Variants in CDC14B observed in about 807,000 individuals in gnomAD.
CDC14B encodes cell division cycle 14B, also known as dual specificity protein phosphatase CDC14B.
In CDC14B, 22 loss-of-function variants were observed where a neutral mutation model predicts 64.2. That is an observed-to-expected ratio of 0.34 (90% CI 0.24 to 0.49). The LOEUF is 0.49. Ranked by LOEUF, CDC14B falls within the 20% of genes least tolerant of loss-of-function variation. CDC14B has a pLI of 0.99. For synonymous variants in CDC14B, 191 were observed against 215.8 expected (o/e 0.89, Z 1.01); for missense variants, 498 against 629.9 (o/e 0.79, Z 2.24).
chr9:96,597,573 T>C (rs570360135), intron 1 of CDC14B, among the ~76,000 whole-genome samples: 1 of 149,764 alleles, frequency 6.7e-6, no homozygotes, highest in East Asian at 2.0e-4. Flanking sequence ...AATGTCAACC[T>C]AGAGTTCAAC....
chr9:96,524,201 A>C (rs900596898), intron 9 of CDC14B, among the ~76,000 whole-genome samples: 1 of 152,196 alleles, frequency 6.6e-6, no homozygotes, highest in Non-Finnish European at 1.5e-5. Flanking sequence ...TGGCCTCCTA[A>C]AATGCTGGTA....
At chr9:96,587,926 C>T (rs1258292955) in intron 1 of CDC14B, among the ~76,000 whole-genome samples, 3 of 152,050 alleles carry the variant, frequency 2.0e-5, no homozygotes, top group Non-Finnish European at 4.4e-5. Flanking sequence ...TCAAGGAAAG[C>T]CTATGGAAAA....
chr9:96,562,245 C>T (rs1193613602), intron 4 of CDC14B, among the ~76,000 whole-genome samples: 19 of 151,914 alleles, frequency 1.3e-4, no homozygotes, highest in Admixed American at 1.2e-3. Context: ...GGGAAAAATG[C>T]CTAGATTCAA....
In CDC14B at chr9:96,564,796, T is replaced by G; in HGVS notation, c.308A>C (p.Lys103Thr). ...NLAMVYRYCC[K>T]INKKLKSITM... ...CTTTACCTTTAATTTCTTATTGATC[T>G]TGCAACAATATCTGTAAACCATTGC... is the stretch of plus-strand genomic sequence containing the variant. Residue 103 changes from lysine (K) to threonine (T), a missense_variant, in exon 3 of 14, where the codon AAG becomes ACG. Physicochemically the swap from Lys to Thr is moderately conservative, Grantham distance 78 (BLOSUM62 -1). Transcript: ENST00000375241. 1 of 1,599,970 alleles carries G rather than the reference T, an allele frequency of 6.3e-7. No individual in the cohort carries two copies. Among genetic ancestry groups the G allele is most frequent in the Non-Finnish European group, 8.5e-7 (1 of 1,172,180 alleles).
chr9:96,531,731 C>A (rs1187913196), intron 9 of CDC14B, among the ~76,000 whole-genome samples: 1 of 152,132 alleles, frequency 6.6e-6, no homozygotes, highest in Non-Finnish European at 1.5e-5. Flanking sequence ...CAATAATTTA[C>A]ATATTATAAT....
intron 1 of CDC14B, among the ~76,000 whole-genome samples, chr9:96,577,285 TA>T (rs539839741): frequency 1.7e-4 from 25 of 149,134 alleles, no homozygotes; most frequent in Admixed American, 1.3e-3. Flanking sequence ...GAAAAGATCA[TA>T]AAAAAATCTA....
intron 4 of CDC14B, among the ~76,000 whole-genome samples, chr9:96,560,567 T>C (rs759834189): frequency 2.6e-5 from 4 of 151,150 alleles, no homozygotes; most frequent in East Asian, 1.9e-4. Flanking sequence ...GGTTCATACA[T>C]AGACTTTTCT....
chr9:96,527,187 C>T (rs1232138715), intron 9 of CDC14B, among the ~76,000 whole-genome samples: 2 of 152,118 alleles, frequency 1.3e-5, no homozygotes, highest in Non-Finnish European at 2.9e-5. Flanking sequence ...AGGTGGATCA[C>T]AAGAGATCAA....
At chr9:96,588,819 C>T (rs145413251) in intron 1 of CDC14B, among the ~76,000 whole-genome samples, 1 of 152,000 alleles carries the variant, frequency 6.6e-6, no homozygotes. Flanking sequence ...ATAAAAAGGG[C>T]GGTTTTAGAA....
At chr9:96,494,970 G>T in intron 13 of CDC14B, among the ~76,000 whole-genome samples, 1 of 151,626 alleles carries the variant, frequency 6.6e-6, no homozygotes, top group Non-Finnish European at 1.5e-5. Context: ...AAGTAGCTGG[G>T]ACTACAGGTA....
intron 1 of CDC14B, among the ~76,000 whole-genome samples, chr9:96,580,539 A>G (rs1484737727): frequency 6.6e-6 from 1 of 152,160 alleles, no homozygotes; most frequent in African/African-American, 2.4e-5. Flanking sequence ...CTAGATTGCT[A>G]CTTTTATACA....
chr9:96,570,450 A>G (rs1295826791), intron 1 of CDC14B, among the ~76,000 whole-genome samples: 2 of 152,182 alleles, frequency 1.3e-5, no homozygotes, highest in African/African-American at 4.8e-5. Flanking sequence ...CAGCTTCCCT[A>G]CAGCTAGGGG....
At chr9:96,538,946 C>A (rs1053084761) in intron 7 of CDC14B, 132 bp downstream of exon 7, 7 of 643,952 alleles carry the variant, frequency 1.1e-5, no homozygotes, top group African/African-American at 1.9e-5. Flanking sequence ...GTAATCATTT[C>A]ATGGTGTATA....
At chr9:96,582,196 A>G (rs139228338) in intron 1 of CDC14B, among the ~76,000 whole-genome samples, 26 of 152,348 alleles carry the variant, frequency 1.7e-4, no homozygotes, top group African/African-American at 6.3e-4. Flanking sequence ...CTCCCCGTCC[A>G]ATTAGGAATA....
At chr9:96,518,680 G>C (rs994173651) in intron 12 of CDC14B, among the ~76,000 whole-genome samples, 3 of 152,132 alleles carry the variant, frequency 2.0e-5, no homozygotes, top group Non-Finnish European at 4.4e-5. Flanking sequence ...AAGATCACAG[G>C]GGTGAATATT....
At chr9:96,610,209 A>AT (rs1847227095) in intron 1 of CDC14B, among the ~76,000 whole-genome samples, 1 of 151,916 alleles carries the variant, frequency 6.6e-6, no homozygotes. Flanking sequence ...TTATTTATTT[A>AT]TTTTTTGAGA....
At chr9:96,587,657 T>C (rs1845531214) in intron 1 of CDC14B, among the ~76,000 whole-genome samples, 1 of 152,190 alleles carries the variant, frequency 6.6e-6, no homozygotes, top group East Asian at 1.9e-4. Flanking sequence ...GTGATCTCCT[T>C]CACCTTTCAC....
chr9:96,566,489 C>G (rs1356261588), intron 1 of CDC14B, among the ~76,000 whole-genome samples: 2 of 152,202 alleles, frequency 1.3e-5, no homozygotes, highest in South Asian at 2.1e-4. Context: ...CCTTTCCAAC[C>G]ACAAGGACCT....
intron 1 of CDC14B, among the ~76,000 whole-genome samples, chr9:96,578,600 A>AG (rs1844944175): frequency 6.6e-6 from 1 of 152,192 alleles, no homozygotes; most frequent in African/African-American, 2.4e-5. Context: ...ACCCAATTTG[A>AG]GGCACATTCT....
Sources: gnomAD v4.1 joint callset for allele counts (sites outside exome capture counted in the v4.1 genomes callset) on GRCh38, gnomAD v4.1.1 for gene constraint, MANE v1.5 for transcripts, NCBI Gene and HGNC (gene_info 2026-07-23, HGNC 2026-07-21) for gene names.